Variants in BIRC6 observed in about 807,000 individuals in gnomAD.
The protein encoded by BIRC6 is baculoviral IAP repeat containing 6, also known as dual E2 ubiquitin-conjugating enzyme/E3 ubiquitin-protein ligase BIRC6.
BIRC6 carries 98 observed loss-of-function variants against 503.3 expected under a neutral mutation model. The observed-to-expected ratio is 0.19, with a 90% CI of 0.17 to 0.23. The LOEUF (loss-of-function observed/expected upper bound fraction) is 0.23, where lower values mean the gene tolerates loss of function less well. Among genes scored for constraint, BIRC6 ranks in the 10% least tolerant of loss-of-function variants. The pLI, the probability that BIRC6 is intolerant of heterozygous loss-of-function variation, is 1.00. For missense variants in BIRC6, 5,360 were observed against 5,806.0 expected, an observed-to-expected ratio of 0.92 and a Z score of 2.50; for synonymous variants, 2,240 against 2,078.7, an observed-to-expected ratio of 1.08 and a Z score of -2.11.
In BIRC6 at chr2:32,500,053, G is replaced by C; in HGVS notation, c.8975G>C (p.Ser2992Thr). The C allele has an allele frequency of 2.5e-6, 4 of 1,613,864 alleles. No homozygotes were observed. Among genetic ancestry groups the C allele is most frequent in the Non-Finnish European group, 3.4e-6 (4 of 1,179,838 alleles). The change falls in exon 46 of 74, where the codon AGC (serine) becomes ACC (threonine). Residue 2992 changes from serine to threonine, a missense_variant. Physicochemically the swap from Ser to Thr is moderately conservative, Grantham distance 58 (BLOSUM62 1). Around this residue, in one of 16 missense-constraint regions of BIRC6, gnomAD observed 2,299 missense variants for 2,267.2 expected, o/e 1.01. Transcript: ENST00000421745. ...DLVLANQQIM[S>T]QILSALGLCN... Reference sequence around the variant, plus strand: ...GTCTTAGCCAACCAACAAATTATGAGCCAGATTTTGTCTGCTCTGGGCCTG... The same window carrying C: ...GTCTTAGCCAACCAACAAATTATGACCCAGATTTTGTCTGCTCTGGGCCTG...
intron 65 of BIRC6, chr2:32,557,937 A>G (rs1477420170): frequency 6.6e-6 from 1 of 152,214 alleles, no homozygotes; most frequent in Non-Finnish European, 1.5e-5. Flanking sequence ...AAATACTAGT[A>G]CATACTAGAA....
In BIRC6 at chr2:32,493,520, G is replaced by T; in HGVS notation, c.8341-20G>T. 6.3e-7 allele frequency: 1 copy of T among 1,581,740 alleles called. No homozygotes were observed. The highest frequency in any genetic ancestry group is 1.2e-5 in the South Asian group (1 of 86,468). Reference sequence around the variant, plus strand: ...ATGTTACCAGTAAGCAGTTTTCAGTGAATATACATTTCTCTTTAGGTTGGT... The same window carrying T: ...ATGTTACCAGTAAGCAGTTTTCAGTTAATATACATTTCTCTTTAGGTTGGT... On this transcript the variant is annotated intron_variant, in intron 44 of 73. Transcript: ENST00000421745.
At chr2:32,585,052 A>G (rs1398491736) in intron 66 of BIRC6, among the ~76,000 whole-genome samples, 1 of 152,084 alleles carries the variant, frequency 6.6e-6, no homozygotes, top group Non-Finnish European at 1.5e-5. Context: ...TCATTTTTGT[A>G]TGTAATATTT....
intron 61 of BIRC6, among the ~76,000 whole-genome samples, chr2:32,536,340 G>T (rs2057231718): frequency 6.6e-6 from 1 of 152,118 alleles, no homozygotes; most frequent in East Asian, 1.9e-4. Context: ...TTTGGCTTTT[G>T]TTGCCATTGC....
chr2:32,428,276 A>G (rs931117372), intron 10 of BIRC6, among the ~76,000 whole-genome samples: 1 of 152,198 alleles, frequency 6.6e-6, no homozygotes, highest in African/African-American at 2.4e-5. Flanking sequence ...TGGAGAGTTT[A>G]CCAGGCCCCC....
intron 16 of BIRC6, 24 bp downstream of exon 16, chr2:32,439,710 A>G: frequency 1.3e-6 from 2 of 1,596,700 alleles, no homozygotes; most frequent in Non-Finnish European, 1.7e-6. Context: ...ATTTTGAACA[A>G]TAACAATACA....
chr2:32,498,446 A>G (rs1572633399), intron 45 of BIRC6, among the ~76,000 whole-genome samples: 2 of 152,188 alleles, frequency 1.3e-5, no homozygotes, highest in East Asian at 3.8e-4. Flanking sequence ...CCGTTCATGT[A>G]TAATGTCAGA....
intron 73 of BIRC6, among the ~76,000 whole-genome samples, chr2:32,615,084 G>A (rs963195188): frequency 3.9e-5 from 6 of 152,168 alleles, no homozygotes; most frequent in Non-Finnish European, 7.3e-5. Flanking sequence ...TCACGAAGGC[G>A]TAGGGGTGTG....
At chr2:32,550,634 A>G (rs971989538) in intron 65 of BIRC6, among the ~76,000 whole-genome samples, 2 of 151,986 alleles carry the variant, frequency 1.3e-5, no homozygotes, top group Non-Finnish European at 2.9e-5. Flanking sequence ...TTAAACTATT[A>G]TTTTCTTAAT....
intron 5 of BIRC6, among the ~76,000 whole-genome samples, 175 bp from the exon 6 acceptor site, chr2:32,395,336 A>G (rs1401016491): frequency 6.6e-6 from 1 of 152,224 alleles, no homozygotes; most frequent in African/African-American, 2.4e-5. Flanking sequence ...AATGCAGGCA[A>G]TTAATAAATA....
At chr2:32,521,533 A>G (rs564839882) in intron 57 of BIRC6, among the ~76,000 whole-genome samples, 4 of 151,602 alleles carry the variant, frequency 2.6e-5, no homozygotes, top group Non-Finnish European at 5.9e-5. Context: ...CAGTGGCGCG[A>G]TCTCGGCTCA....
intron 13 of BIRC6, among the ~76,000 whole-genome samples, chr2:32,434,170 C>G (rs1019905377): frequency 1.7e-4 from 26 of 152,224 alleles, no homozygotes; most frequent in African/African-American, 5.8e-4. Flanking sequence ...ATTAGTGAAG[C>G]CAGCCTTTCA....
At chr2:32,509,054 G>GA (rs5830231) in intron 51 of BIRC6, among the ~76,000 whole-genome samples, 151,648 of 151,664 alleles carry the variant, frequency 1, 75,816 homozygotes, top group Middle Eastern at 1. Context: ...GGGTGAGAGT[G>GA]AACTCTGTCT....
At chr2:32,448,726 C>T (rs926086242) in intron 21 of BIRC6, 69 bp from the exon 22 acceptor site, 9 of 1,475,050 alleles carry the variant, frequency 6.1e-6, no homozygotes, top group African/African-American at 5.7e-5. Flanking sequence ...GCTTTTAAAA[C>T]TAAGTAAAGG....
intron 3 of BIRC6, among the ~76,000 whole-genome samples, chr2:32,386,062 A>G (rs1024666170): frequency 2.6e-5 from 4 of 152,208 alleles, no homozygotes; most frequent in African/African-American, 9.6e-5. Context: ...ATCTGGACCA[A>G]TCAGCGTGCT....
Position 32,431,088 on chromosome 2 carries a change from C to G in BIRC6, c.3246C>G (p.Asp1082Glu), listed in dbSNP as rs897145461. 2 of 1,587,372 alleles carry G rather than the reference C, an allele frequency of 1.3e-6. No individual in the cohort carries two copies. Among genetic ancestry groups the G allele is most frequent in the African/African-American group, 1.4e-5 (1 of 73,420 alleles). The change falls in exon 12 of 74, where the codon GAC becomes GAG. Residue 1082 changes from aspartate (D) to glutamate (E), a missense_variant and splice_region_variant. This residue lies in a region of BIRC6 where 2,299 missense variants were observed against 2,267.2 expected (regional missense o/e 1.01). Transcript: ENST00000421745. ...CTCGAACTTGGAAACTACAGACCGA[C>G]AGGTAAAAGATATTCCCAAGATAAT... ...QHTRTWKLQT[D>E]SNSWDEHVFE...
chr2:32,597,687 T>G (rs1011719872), intron 68 of BIRC6, 64 bp from the exon 69 acceptor site: 6 of 1,204,274 alleles, frequency 5.0e-6, no homozygotes, highest in Non-Finnish European at 7.2e-6. Flanking sequence ...AGTGATTGTT[T>G]GTGATTTTTG....
At chr2:32,533,090 A>G (rs748160473) in intron 61 of BIRC6, among the ~76,000 whole-genome samples, 1 of 152,224 alleles carries the variant, frequency 6.6e-6, no homozygotes, top group Non-Finnish European at 1.5e-5. Flanking sequence ...GAGAAAACCT[A>G]CAGTGTCTTA....
rs1170672082 is a variant in BIRC6 at position 32,468,294 on chromosome 2, C to T, written c.5781-143C>T. 27 of 933,728 alleles carry T rather than the reference C, an allele frequency of 2.9e-5. No individual in the cohort carries two copies. The East Asian group carries it at 4.7e-4, about 16-fold the overall frequency. The allele number at this position is 933,728 out of a possible 1,614,324, so 57.8% of individuals were successfully genotyped here. A position where few individuals can be genotyped will look rare whatever the true frequency, so the allele number is the denominator to read the frequency against. ...AAATATTGTGATTAATTAATGGGCT[C>T]CATTTATTAGTACCTATCAAGTGGG... On this transcript the variant is annotated intron_variant, in intron 28 of 73. Transcript: ENST00000421745.
Sources: gnomAD v4.1 joint callset for allele counts (sites outside exome capture counted in the v4.1 genomes callset) on GRCh38, gnomAD v4.1.1 for gene constraint, gnomAD v4.1.1 regional missense constraint, MANE v1.5 for transcripts, NCBI Gene and HGNC (gene_info 2026-07-23, HGNC 2026-07-21) for gene names.